TMEM196: variants seen among roughly 807,000 people sequenced by gnomAD.
TMEM196 encodes the protein transmembrane protein 196.
In TMEM196, 17 loss-of-function variants were observed where a neutral mutation model predicts 20.0. That is an observed-to-expected ratio of 0.85 (90% CI 0.58 to 1.27). TMEM196 has a LOEUF of 1.27. TMEM196 is among the 50% of genes most tolerant of loss of function. The probability of loss-of-function intolerance (pLI) is 0.00; values close to 1 mark genes in which losing one functional copy is unlikely to be tolerated. For missense variants in TMEM196, 267 were observed against 223.0 expected (o/e 1.20, Z -1.26); for synonymous variants, 113 against 88.9 (o/e 1.27, Z -1.52).
chr7:19,737,867 T>C (rs918029010), intron 1 of TMEM196, among the ~76,000 whole-genome samples: 1 of 152,120 alleles, frequency 6.6e-6, no homozygotes, highest in South Asian at 2.1e-4. Flanking sequence ...TCAAAACACA[T>C]AGAACTTTAT....
chr7:19,725,642 C>G lies in TMEM196; in HGVS notation c.331G>C (p.Ala111Pro). The G allele has an allele frequency of 1.2e-6, 2 of 1,614,044 alleles. No individual in the cohort carries two copies. The highest frequency in any genetic ancestry group is 2.2e-5 in the East Asian group (1 of 44,876). The change falls in exon 3 of 5, where the codon GCG becomes CCG. Residue 111 changes from alanine (A) to proline (P), a missense_variant. Coordinates refer to ENST00000405844, the MANE Select transcript of TMEM196 (RefSeq NM_001363562.2). ...YPLHLASMSL[A>P]CIGIGGCTLS... is the part of the protein sequence containing the mutation. ...GTGCAGCCCCCGATCCCAATGCACGCGAGAGACATGGAGGCAAGGTGCAGT... is the reference window on the plus strand; with the variant it reads ...GTGCAGCCCCCGATCCCAATGCACGGGAGAGACATGGAGGCAAGGTGCAGT...
At chr7:19,765,795 T>C (rs1388537940) in intron 1 of TMEM196, among the ~76,000 whole-genome samples, 2 of 152,174 alleles carry the variant, frequency 1.3e-5, no homozygotes, top group Non-Finnish European at 2.9e-5. Flanking sequence ...GATATTTTGG[T>C]ACATTTTCAT....
At chr7:19,771,338 T>G (rs779973495) in intron 1 of TMEM196, among the ~76,000 whole-genome samples, 9 of 152,186 alleles carry the variant, frequency 5.9e-5, no homozygotes, top group Non-Finnish European at 7.4e-5. Flanking sequence ...TTGAACACTA[T>G]TTTTCTTTTT....
chr7:19,752,915 T>G (rs1785048681), intron 1 of TMEM196, among the ~76,000 whole-genome samples: 2 of 152,022 alleles, frequency 1.3e-5, no homozygotes, highest in African/African-American at 4.8e-5. Flanking sequence ...CCCGGCCTTT[T>G]TGTTCAATTT....
At chr7:19,758,634 A>G (rs1362632101) in intron 1 of TMEM196, among the ~76,000 whole-genome samples, 1 of 152,224 alleles carries the variant, frequency 6.6e-6, no homozygotes, top group Non-Finnish European at 1.5e-5. Context: ...TTATTTCTAA[A>G]TCTCTGGTTC....
At chr7:19,761,542 C>T (rs1373213198) in intron 1 of TMEM196, among the ~76,000 whole-genome samples, 1 of 152,036 alleles carries the variant, frequency 6.6e-6, no homozygotes, top group Non-Finnish European at 1.5e-5. Context: ...TAAGGTGTTC[C>T]TCCATTAACG....
chr7:19,744,903 A>C (rs2128026283), intron 1 of TMEM196, among the ~76,000 whole-genome samples: 2 of 152,326 alleles, frequency 1.3e-5, no homozygotes, highest in South Asian at 2.1e-4. Flanking sequence ...AAAAAAGCCA[A>C]CAACAACAAA....
rs545036300 is a variant in TMEM196, at chr7:19,721,376, T to G, written c.*752A>C. The G allele has an allele frequency of 6.6e-6, 1 of 152,152 alleles. No homozygotes were observed. The highest frequency in any genetic ancestry group is 1.9e-4 in the East Asian group (1 of 5,196). 9.4% of individuals were successfully genotyped at this position (152,152 alleles called of 1,614,324 possible). ...CACATTCACACACATACTTTATTCT[T>G]AGGCTCATTCATGAACATGCAGATC... On this transcript the variant is annotated 3_prime_UTR_variant, in exon 5 of 5. Coordinates refer to ENST00000405844, the MANE Select transcript of TMEM196 (RefSeq NM_001363562.2).
chr7:19,765,570 T>C (rs1044014382), intron 1 of TMEM196, among the ~76,000 whole-genome samples: 1 of 152,212 alleles, frequency 6.6e-6, no homozygotes, highest in African/African-American at 2.4e-5. Flanking sequence ...AAATGTTTTT[T>C]GAATACTTTG....
chr7:19,724,503 T>A (rs796237931), intron 3 of TMEM196, 150 bp from the exon 4 acceptor site: 3 of 709,394 alleles, frequency 4.2e-6, no homozygotes, highest in South Asian at 1.9e-5. Flanking sequence ...TTCTTTAAAT[T>A]ACTGGAGTCT....
At chr7:19,727,008 CT>C (rs1452277466) in intron 2 of TMEM196, among the ~76,000 whole-genome samples, 1 of 152,134 alleles carries the variant, frequency 6.6e-6, no homozygotes, top group Non-Finnish European at 1.5e-5. Context: ...CTAACTTGGA[CT>C]TTATTGATCT....
intron 4 of TMEM196, among the ~76,000 whole-genome samples, chr7:19,723,365 C>A (rs1054402663): frequency 6.6e-6 from 1 of 151,976 alleles, no homozygotes; most frequent in African/African-American, 2.4e-5. Context: ...CCGTTAGGTG[C>A]CTTTTCTCCT....
At chr7:19,732,623 T>C (rs1020971332) in intron 1 of TMEM196, among the ~76,000 whole-genome samples, 1 of 81,084 alleles carries the variant, frequency 1.2e-5, no homozygotes, top group Non-Finnish European at 2.5e-5. Context: ...ATTTTTAGAG[T>C]TTTTTTTTTT....
chr7:19,733,846 C>A (rs1389789727), intron 1 of TMEM196, among the ~76,000 whole-genome samples: 1 of 152,124 alleles, frequency 6.6e-6, no homozygotes, highest in Non-Finnish European at 1.5e-5. Context: ...TGAGAAAGCC[C>A]CACACCTGAG....
At chr7:19,740,694 T>C (rs1195265933) in intron 1 of TMEM196, among the ~76,000 whole-genome samples, 4 of 152,110 alleles carry the variant, frequency 2.6e-5, no homozygotes, top group African/African-American at 9.7e-5. Flanking sequence ...GGAGCTCTGC[T>C]AGCGTTTTTT....
Position 19,732,586 on chromosome 7 carries a change from A to AAC in TMEM196, c.148-3149_148-3148insGT, listed in dbSNP as rs1554298167. On this transcript the variant is annotated intron_variant, in intron 1 of 4. Coordinates refer to ENST00000405844, the MANE Select transcript of TMEM196 (RefSeq NM_001363562.2). ...AGACTCCATCTCAAAAAAAAAAAACAAAAAAAAAAAAAACGGAATGGAAGT... is the reference window on the plus strand; with the variant it reads ...AGACTCCATCTCAAAAAAAAAAAACAACAAAAAAAAAAAAACGGAATGGAAGT... Among the ~76,000 whole-genome samples the AAC allele has an allele frequency of 3.3e-5, 3 of 89,754 alleles. No individual in the cohort carries two copies. In the Admixed American group the frequency reaches 3.4e-4, roughly 10 times the overall value. The allele number at this position is 89,754 out of a possible 152,430, so 58.9% of individuals were successfully genotyped here. A position where few individuals can be genotyped will look rare whatever the true frequency, so the allele number is the denominator to read the frequency against.
chr7:19,749,090 C>T (rs1029181086), intron 1 of TMEM196, among the ~76,000 whole-genome samples: 1 of 152,098 alleles, frequency 6.6e-6, no homozygotes, highest in Non-Finnish European at 1.5e-5. Flanking sequence ...CAATTTTCTA[C>T]AGTAAACTTG....
In TMEM196 at chr7:19,754,655, A is replaced by G. The variant is rs144132622; in HGVS notation, c.147+17895T>C. Among the ~76,000 whole-genome samples, 598 of 147,986 alleles carry G rather than the reference A, an allele frequency of 4.0e-3. 5 individuals carry two copies. The highest frequency in any genetic ancestry group is 0.015 in the African/African-American group (572 of 39,298). On this transcript the variant is annotated intron_variant, in intron 1 of 4. Transcript: ENST00000405844. ...AACTAACTACTCGTGGCCATGAACTATAAGAAAAAGGAAAAAGAAAAAAAA... is the reference window on the plus strand; with the variant it reads ...AACTAACTACTCGTGGCCATGAACTGTAAGAAAAAGGAAAAAGAAAAAAAA...
At chr7:19,766,604 T>G (rs1785638311) in intron 1 of TMEM196, among the ~76,000 whole-genome samples, 1 of 151,474 alleles carries the variant, frequency 6.6e-6, no homozygotes, top group Non-Finnish European at 1.5e-5. Flanking sequence ...ACTTTTTTAA[T>G]GCAGTAGTGA....
Sources: gnomAD v4.1 joint callset for allele counts (sites outside exome capture counted in the v4.1 genomes callset) on GRCh38, gnomAD v4.1.1 for gene constraint, MANE v1.5 for transcripts, NCBI Gene and HGNC (gene_info 2026-07-23, HGNC 2026-07-21) for gene names.